Variants in ZHX2 observed in about 807,000 individuals in gnomAD.
ZHX2 encodes the protein zinc fingers and homeoboxes 2, also known as zinc fingers and homeoboxes protein 2.
In ZHX2, 6 loss-of-function variants were observed where a neutral mutation model predicts 21.9. The ratio of observed to expected loss-of-function variants is 0.27; its 90% confidence interval spans 0.15 to 0.54. The LOEUF is 0.54. Among genes scored for constraint, ZHX2 ranks in the 20% least tolerant of loss-of-function variants. ZHX2 has a pLI of 0.95. For missense variants in ZHX2, 908 were observed against 1,090.7 expected, an observed-to-expected ratio of 0.83 and a Z score of 2.36; for synonymous variants, 434 against 437.1, an observed-to-expected ratio of 0.99 and a Z score of 0.09.
At chr8:122,827,148 T>G (rs1445972517) in intron 1 of ZHX2, among the ~76,000 whole-genome samples, 1 of 152,166 alleles carries the variant, frequency 6.6e-6, no homozygotes, top group Non-Finnish European at 1.5e-5. Flanking sequence ...GCCACCCAAG[T>G]AGCTGTGACT....
chr8:122,815,002 C>T (rs1327629323), intron 1 of ZHX2, among the ~76,000 whole-genome samples: 1 of 152,128 alleles, frequency 6.6e-6, no homozygotes, highest in Non-Finnish European at 1.5e-5. Flanking sequence ...CTTTCTTGAG[C>T]CCACAACTTA....
chr8:122,858,408 C>T (rs1819081530), intron 1 of ZHX2, among the ~76,000 whole-genome samples: 1 of 152,196 alleles, frequency 6.6e-6, no homozygotes, highest in Non-Finnish European at 1.5e-5. Flanking sequence ...TGGTTCGCCC[C>T]CTTCTGGTGC....
rs369915130 is a variant in ZHX2, at chr8:122,820,115, AT to A, written c.-283+38178del. On this transcript the variant is annotated intron_variant, in intron 1 of 3. Transcript: ENST00000314393. ...ATCTAATGTTTGATAGCAAGAATAC[AT>A]TTTTTTTTCCTTGCCATTCTTACTC... Among the ~76,000 whole-genome samples the A allele has an allele frequency of 2.4e-4, 36 of 151,570 alleles. No homozygotes were observed. In the East Asian group the frequency reaches 5.8e-3, roughly 25 times the overall value.
chr8:122,811,702 G>A (rs533795243), intron 1 of ZHX2, among the ~76,000 whole-genome samples: 1 of 152,204 alleles, frequency 6.6e-6, no homozygotes, highest in East Asian at 1.9e-4. Context: ...CCACTTTCAG[G>A]GGGGAAGAGA....
In ZHX2 at chr8:122,802,442, A is replaced by C. The variant is rs528628605; in HGVS notation, c.-283+20496A>C. Among the ~76,000 whole-genome samples the C allele has an allele frequency of 6.1e-4, 93 of 152,216 alleles. 2 individuals are homozygous for C. The South Asian group carries it at 0.018, about 30-fold the overall frequency. On this transcript the variant is annotated intron_variant, in intron 1 of 3. Transcript: ENST00000314393. ...AGGTAGCAGGGTTCCTGCAGGTAAG[A>C]CCTGTTGCTGTCAGAGGCCCGTGGC...
intron 1 of ZHX2, among the ~76,000 whole-genome samples, chr8:122,812,510 G>A (rs1378189801): frequency 4.6e-5 from 7 of 152,138 alleles, no homozygotes; most frequent in Non-Finnish European, 7.4e-5. Flanking sequence ...GCTAGGGTTC[G>A]GGTTCCCTGA....
chr8:122,920,241 T>C (rs1820705520), intron 2 of ZHX2, among the ~76,000 whole-genome samples: 1 of 152,016 alleles, frequency 6.6e-6, no homozygotes, highest in Admixed American at 6.6e-5. Context: ...GCCGTTGCAC[T>C]CCAGCCTGAG....
intron 2 of ZHX2, among the ~76,000 whole-genome samples, chr8:122,938,841 A>T (rs1253965452): frequency 6.6e-6 from 1 of 152,184 alleles, no homozygotes; most frequent in African/African-American, 2.4e-5. Flanking sequence ...CTGTCAAAAA[A>T]AAAGAAAAAG....
chr8:122,814,859 T>G (rs1239065925), intron 1 of ZHX2, among the ~76,000 whole-genome samples: 3 of 149,074 alleles, frequency 2.0e-5, no homozygotes, highest in African/African-American at 7.3e-5. Context: ...CATCGGTTTG[T>G]TTTTTTAATC....
intron 1 of ZHX2, among the ~76,000 whole-genome samples, chr8:122,784,027 C>A (rs1239396607): frequency 6.6e-6 from 1 of 152,214 alleles, no homozygotes; most frequent in South Asian, 2.1e-4. Flanking sequence ...ATGCAAGAAA[C>A]CAAGATTCTG....
chr8:122,916,475 CCTTT>C (rs1158738941), intron 2 of ZHX2, among the ~76,000 whole-genome samples: 3 of 152,250 alleles, frequency 2.0e-5, no homozygotes, highest in Non-Finnish European at 2.9e-5. Context: ...GGCTTCGGTG[CCTTT>C]CTTTTTCTTT....
chr8:122,963,540 T>G (rs572033132), intron 3 of ZHX2, among the ~76,000 whole-genome samples: 2 of 152,208 alleles, frequency 1.3e-5, no homozygotes, highest in Non-Finnish European at 2.9e-5. Context: ...TAATATAGTT[T>G]GAAGTAAGGT....
chr8:122,891,758 A>G (rs567941441), intron 2 of ZHX2, among the ~76,000 whole-genome samples: 1 of 152,196 alleles, frequency 6.6e-6, no homozygotes, highest in South Asian at 2.1e-4. Context: ...GTTGATTTCT[A>G]GTTTTATTCC....
At chr8:122,847,051 A>G (rs532774160) in intron 1 of ZHX2, among the ~76,000 whole-genome samples, 11 of 152,168 alleles carry the variant, frequency 7.2e-5, no homozygotes, top group Non-Finnish European at 1.6e-4. Context: ...TAGCCTCCAG[A>G]TAGAGAAACT....
chr8:122,853,232 A>C (rs981275215), intron 1 of ZHX2, among the ~76,000 whole-genome samples: 8 of 152,102 alleles, frequency 5.3e-5, no homozygotes, highest in African/African-American at 1.9e-4. Flanking sequence ...GATACTCTCC[A>C]TGATTGGGAG....
intron 1 of ZHX2, among the ~76,000 whole-genome samples, chr8:122,850,638 T>C (rs1263993263): frequency 1.9e-5 from 1 of 53,570 alleles, no homozygotes; most frequent in Non-Finnish European, 3.7e-5. Flanking sequence ...AGACTCTGTC[T>C]CAAAAAAAAA....
chr8:122,875,543 G>A (rs968900553), intron 2 of ZHX2, among the ~76,000 whole-genome samples: 5 of 152,192 alleles, frequency 3.3e-5, no homozygotes, highest in Non-Finnish European at 7.3e-5. Flanking sequence ...TCCCACAGTG[G>A]TGACTTTCAT....
Position 122,923,493 on chromosome 8 carries a change from A to G in ZHX2, c.-219-27799A>G, listed in dbSNP as rs565778463. On this transcript the variant is annotated intron_variant, in intron 2 of 3. Coordinates refer to ENST00000314393, the MANE Select transcript of ZHX2 (RefSeq NM_014943.5). ...GAACTGTCATAGATTCACTTCCACC[A>G]TATTATACTGGTCAAAGCAGTCACA... 8.5e-4 allele frequency among the ~76,000 whole-genome samples: 130 copies of G among 152,324 alleles called. 1 individual carries two copies. Among genetic ancestry groups the G allele is most frequent in the African/African-American group, 3.0e-3 (126 of 41,562 alleles).
At chr8:122,883,159 C>T (rs973014326) in intron 2 of ZHX2, among the ~76,000 whole-genome samples, 15 of 152,280 alleles carry the variant, frequency 9.9e-5, no homozygotes, top group East Asian at 5.8e-4. Context: ...CCTCATCTGC[C>T]GTGCAGCAAC....
Sources: allele counts gnomAD v4.1 joint callset (sites outside exome capture counted in the v4.1 genomes callset), GRCh38; gene constraint gnomAD v4.1.1; transcripts MANE v1.5; gene names NCBI Gene and HGNC (gene_info 2026-07-23, HGNC 2026-07-21).